Variants in NGLY1 observed in about 807,000 individuals in gnomAD.
NGLY1 encodes N-glycanase 1.
A neutral mutation model predicts 84.6 loss-of-function variants in NGLY1; 68 were observed. That is an observed-to-expected ratio of 0.80 (90% CI 0.66 to 0.98). The LOEUF is 0.98. Among genes scored for constraint, NGLY1 ranks in the 50% least tolerant of loss-of-function variants. The probability of loss-of-function intolerance (pLI) is 0.00; values close to 1 mark genes in which losing one functional copy is unlikely to be tolerated. For missense variants in NGLY1, 779 were observed against 770.2 expected, an observed-to-expected ratio of 1.01 and a Z score of -0.14; for synonymous variants, 280 against 275.2, an observed-to-expected ratio of 1.02 and a Z score of -0.17.
chr3:25,753,435 CATAA>C, intron 3 of NGLY1, among the ~76,000 whole-genome samples: 1 of 151,860 alleles, frequency 6.6e-6, no homozygotes, highest in East Asian at 1.9e-4. Flanking sequence ...ATATAGCTTA[CATAA>C]ATTTTTAAAA....
chr3:25,788,258 T>G (rs139430613), upstream of NGLY1, among the ~76,000 whole-genome samples: 24 of 152,276 alleles, frequency 1.6e-4, no homozygotes, highest in Non-Finnish European at 3.1e-4. Flanking sequence ...AGTGAGAAAA[T>G]CAGTTTGCTG....
At position 25,720,168 on chromosome 3, in the gene NGLY1, T is replaced by A. The variant is rs1215937995; in HGVS notation, c.1635A>T (p.Gly545=). Residue 545 remains glycine, a synonymous_variant, in exon 11 of 12, where the codon GGA becomes GGT. Transcript: ENST00000280700. ...WHMVYLARKE[G]SSFAYISWKF... is the part of the protein sequence containing the mutation. ...TCCAGGAAATATAAGCAAAAGATGA[T>A]CCTTCCTTTCGGGCCAAATATACCT... 1.2e-6 allele frequency: 2 copies of A among 1,613,826 alleles called. No individual in the cohort carries two copies. Among genetic ancestry groups the A allele is most frequent in the South Asian group, 1.1e-5 (1 of 91,062 alleles).
In NGLY1 at chr3:25,783,220, C is replaced by A; in HGVS notation, c.131+40G>T. On this transcript the variant is annotated intron_variant, in intron 1 of 11. Coordinates refer to ENST00000280700, the MANE Select transcript of NGLY1 (RefSeq NM_018297.4). This position sits in a 1 kb window ranked among gnomAD's most constrained non-coding sequence, Gnocchi z 4.5. ...TGGCCGAACAAGGTGCCGCGGCCCA[C>A]CCACCCCGGTACCCGCCGTCCGACC... 1.3e-6 allele frequency: 2 copies of A among 1,561,880 alleles called. No homozygotes were observed. The highest frequency in any genetic ancestry group is 2.2e-5 in the South Asian group (2 of 89,444).
At chr3:25,763,581 T>C (rs1039745724) in intron 3 of NGLY1, among the ~76,000 whole-genome samples, 4 of 152,230 alleles carry the variant, frequency 2.6e-5, no homozygotes, top group East Asian at 1.9e-4. Context: ...GAGAAGAATA[T>C]GTAAGGACCT....
intron 2 of NGLY1, among the ~76,000 whole-genome samples, chr3:25,766,636 TAGG>T (rs1438381376): frequency 1.3e-5 from 2 of 152,118 alleles, no homozygotes; most frequent in Admixed American, 6.5e-5. Context: ...TTCTTATATC[TAGG>T]AGGAGGCCTA....
intron 2 of NGLY1, 100 bp downstream of exon 2, chr3:25,778,474 T>G: frequency 1.7e-6 from 1 of 585,110 alleles, no homozygotes; most frequent in South Asian, 3.9e-5. Flanking sequence ...CCCAAAATGA[T>G]AAATTAAAAA....
At chr3:25,720,296 G>A (rs1704919936) in intron 10 of NGLY1, 105 bp from the exon 11 acceptor site, 7 of 859,042 alleles carry the variant, frequency 8.1e-6, no homozygotes, top group Non-Finnish European at 1.2e-5. Flanking sequence ...GTATGTACAA[G>A]TGGTTATTTA....
intron 3 of NGLY1, among the ~76,000 whole-genome samples, chr3:25,752,221 T>A (rs938743975): frequency 3.9e-5 from 6 of 152,098 alleles, no homozygotes; most frequent in Admixed American, 6.6e-5. Flanking sequence ...ATTTTATTTA[T>A]TTATTATTAT....
upstream of NGLY1, among the ~76,000 whole-genome samples, chr3:25,785,372 G>C (rs1017405135): frequency 2.6e-5 from 4 of 152,178 alleles, no homozygotes; most frequent in East Asian, 5.8e-4. Flanking sequence ...AATGGATTGG[G>C]GGCTTGGGTC....
At chr3:25,779,469 A>T (rs191040129) in intron 1 of NGLY1, among the ~76,000 whole-genome samples, 1 of 152,352 alleles carries the variant, frequency 6.6e-6, no homozygotes, top group Non-Finnish European at 1.5e-5. Flanking sequence ...AACATAGTTT[A>T]GGATGATAAG....
intron 7 of NGLY1, chr3:25,734,996 T>C: frequency 2.9e-6 from 1 of 344,554 alleles, no homozygotes. Flanking sequence ...ATCTTTTCAA[T>C]AAATGGTGCT....
chr3:25,764,037 A>T (rs1559551618), intron 3 of NGLY1, 29 bp downstream of exon 3: 1 of 1,608,872 alleles, frequency 6.2e-7, no homozygotes. Context: ...TGAAAGAAAC[A>T]GTTAAAGAAG....
intron 2 of NGLY1, among the ~76,000 whole-genome samples, chr3:25,764,772 T>C (rs1477728876): frequency 1.3e-5 from 2 of 152,230 alleles, no homozygotes; most frequent in African/African-American, 2.4e-5. Context: ...AGAAGTTATC[T>C]AACAACCTTT....
At chr3:25,754,919 G>T in intron 3 of NGLY1, 1 of 708,370 alleles carries the variant, frequency 1.4e-6, no homozygotes, top group Non-Finnish European at 2.6e-6. Flanking sequence ...CGAGTGGCTG[G>T]ATAACATGGA....
At chr3:25,742,946 G>C (rs998360247) in intron 4 of NGLY1, among the ~76,000 whole-genome samples, 3 of 140,562 alleles carry the variant, frequency 2.1e-5, no homozygotes, top group Non-Finnish European at 4.6e-5. Context: ...AGGATCTCTA[G>C]ATGGGGAGAT....
At chr3:25,779,795 C>T (rs934587907) in intron 1 of NGLY1, among the ~76,000 whole-genome samples, 1 of 152,194 alleles carries the variant, frequency 6.6e-6, no homozygotes, top group Non-Finnish European at 1.5e-5. Context: ...GTCATAAATA[C>T]TAAATGAATG....
In NGLY1 at chr3:25,764,267, C is replaced by A. The variant is rs780364011; in HGVS notation, c.291G>T (p.Gln97His). Residue 97 changes from glutamine to histidine, a missense_variant, in exon 3 of 12, where the codon CAG (glutamine) becomes CAT (histidine). Gln to His is a conservative substitution (Grantham distance 24, BLOSUM62 0). Transcript: ENST00000280700. ...LIFPKKASVE[Q>H]LQKIRDLIAI... ...CAATCAGGTCACGAATTTTTTGCAG[C>A]TGCTCCACTGAAGCTTTTTTAGGAA... The A allele has an allele frequency of 3.2e-5, 52 of 1,613,984 alleles. 1 individual carries two copies. In the South Asian group the frequency reaches 5.3e-4, roughly 16 times the overall value.
chr3:25,734,132 T>C (rs1480482503), intron 7 of NGLY1, 150 bp from the exon 8 acceptor site: 3 of 1,024,666 alleles, frequency 2.9e-6, no homozygotes, highest in African/African-American at 3.3e-5. Context: ...AGTGGCGTGA[T>C]CTCAGCTCAC....
Position 25,783,224 on chromosome 3 carries a change from C to T in NGLY1, c.131+36G>A. The T allele has an allele frequency of 1.3e-6, 2 of 1,578,154 alleles. No individual in the cohort carries two copies. Among genetic ancestry groups the T allele is most frequent in the Non-Finnish European group, 1.7e-6 (2 of 1,152,310 alleles). ...CGAACAAGGTGCCGCGGCCCACCCA[C>T]CCCGGTACCCGCCGTCCGACCCCGT... On this transcript the variant is annotated intron_variant, in intron 1 of 11. Transcript: ENST00000280700. The surrounding 1 kb of genome is among the most constrained non-coding windows in gnomAD (Gnocchi z 4.5).
Sources: allele counts gnomAD v4.1 joint callset (sites outside exome capture counted in the v4.1 genomes callset), GRCh38; gene constraint gnomAD v4.1.1; non-coding constraint Gnocchi (gnomAD v3.1); transcripts MANE v1.5; gene names NCBI Gene and HGNC (gene_info 2026-07-23, HGNC 2026-07-21).